The following LINGO2 variants were observed in gnomAD, a reference collection of about 807,000 sequenced individuals.
LINGO2 encodes leucine-rich repeat and immunoglobulin-like domain-containing nogo receptor-interacting protein 2.
LINGO2 carries 14 observed loss-of-function variants against 30.6 expected under a neutral mutation model. The ratio of observed to expected loss-of-function variants is 0.46; its 90% CI spans 0.30 to 0.72. LINGO2 has a LOEUF of 0.72. LINGO2 is among the 30% of genes least tolerant of loss of function. The pLI is 0.07. For synonymous variants in LINGO2, 317 were observed against 288.5 expected (o/e 1.10, Z -1.00); for missense variants, 729 against 751.7 (o/e 0.97, Z 0.35).
chr9:28,782,019 A>T, the LINGO2 span, among the ~76,000 whole-genome samples: 1 of 152,156 alleles, frequency 6.6e-6, no homozygotes, highest in South Asian at 2.1e-4. Flanking sequence ...AGTTTTTTGA[A>T]TGTTGGAATG....
At chr9:29,110,860 T>G in the LINGO2 span, among the ~76,000 whole-genome samples, 3 of 151,676 alleles carry the variant, frequency 2.0e-5, no homozygotes, top group Admixed American at 2.0e-4. Flanking sequence ...CCAGCTAATT[T>G]TTGTATTTTT....
the LINGO2 span, among the ~76,000 whole-genome samples, chr9:29,084,382 A>G: frequency 6.6e-6 from 1 of 152,130 alleles, no homozygotes; most frequent in African/African-American, 2.4e-5. Flanking sequence ...AGGAACACCT[A>G]TTCTAATGAT....
Position 28,122,272 on chromosome 9 carries a change from T to C in LINGO2, c.-86-109867A>G, listed in dbSNP as rs570143560. 1.5e-4 allele frequency among the ~76,000 whole-genome samples: 23 copies of C among 152,316 alleles called. No individual in the cohort carries two copies. The South Asian group carries it at 4.6e-3, about 30-fold the overall frequency. ...GGAAAGATAGACTCAAGCTATATGA[T>C]GTTATTATCAGCAGCACACTTTTTA... On this transcript the variant is annotated intron_variant, in intron 4 of 5. Transcript: ENST00000379992.
At chr9:28,242,023 A>T (rs1418584168) in intron 4 of LINGO2, among the ~76,000 whole-genome samples, 1 of 152,110 alleles carries the variant, frequency 6.6e-6, no homozygotes, top group Admixed American at 6.5e-5. Flanking sequence ...AAAAAAAATC[A>T]ATGAAAAAAT....
At chr9:28,430,323 C>G (rs1439092206) in intron 2 of LINGO2, among the ~76,000 whole-genome samples, 1 of 152,082 alleles carries the variant, frequency 6.6e-6, no homozygotes, top group Non-Finnish European at 1.5e-5. Flanking sequence ...CAATCCCAGT[C>G]CCTACAGCAT....
the LINGO2 span, among the ~76,000 whole-genome samples, chr9:29,209,733 C>G: frequency 6.6e-6 from 1 of 152,052 alleles, no homozygotes; most frequent in African/African-American, 2.4e-5. Context: ...ATCAAAGTAG[C>G]CCCTAAACCA....
intron 4 of LINGO2, among the ~76,000 whole-genome samples, chr9:28,104,542 A>G (rs1420977936): frequency 6.6e-6 from 1 of 151,628 alleles, no homozygotes; most frequent in Non-Finnish European, 1.5e-5. Flanking sequence ...TAAGGACACT[A>G]CCTCTAATGA....
intron 1 of LINGO2, among the ~76,000 whole-genome samples, chr9:28,515,394 G>A (rs1223025626): frequency 6.6e-6 from 1 of 152,002 alleles, no homozygotes; most frequent in Non-Finnish European, 1.5e-5. Flanking sequence ...TTTTAGTAGA[G>A]ACGAGGTTTC....
Position 28,638,144 on chromosome 9 carries a change from A to G in LINGO2, c.-365+32056T>C, listed in dbSNP as rs568298611. Among the ~76,000 whole-genome samples the G allele has an allele frequency of 2.3e-3, 349 of 152,262 alleles. 2 individuals are homozygous for G. Among genetic ancestry groups the G allele is most frequent in the Non-Finnish European group, 4.2e-3 (284 of 68,022 alleles). On this transcript the variant is annotated intron_variant, in intron 1 of 5. Coordinates refer to ENST00000379992, the Ensembl canonical transcript of LINGO2. ...ACGTTTATTGATTTGCATATGTTGA[A>G]CCAGCCTTGCATCCCAGGGATGAAG...
intron 1 of LINGO2, among the ~76,000 whole-genome samples, chr9:28,521,782 T>C (rs866384503): frequency 3.9e-5 from 6 of 152,130 alleles, no homozygotes; most frequent in Non-Finnish European, 7.3e-5. Flanking sequence ...TCATACTGGA[T>C]TGGAATGGGC....
the LINGO2 span, among the ~76,000 whole-genome samples, chr9:29,138,669 G>A: frequency 1.3e-5 from 2 of 152,092 alleles, no homozygotes; most frequent in Non-Finnish European, 2.9e-5. Flanking sequence ...CTCAGGTATG[G>A]TACGTAGCCC....
chr9:28,104,266 GTTTTTTTTTTT>G (rs74180789), intron 4 of LINGO2, among the ~76,000 whole-genome samples: 7 of 97,430 alleles, frequency 7.2e-5, no homozygotes, highest in South Asian at 8.2e-4. Context: ...TTTTTTGTTT[GTTTTTTTTTTT>G]TTTTTTTTTG....
chr9:28,045,542 A>G (rs1268489370), intron 4 of LINGO2, among the ~76,000 whole-genome samples: 1 of 152,234 alleles, frequency 6.6e-6, no homozygotes, highest in Non-Finnish European at 1.5e-5. Flanking sequence ...AAAATGAAGT[A>G]TGAGAGAAAA....
intron 3 of LINGO2, among the ~76,000 whole-genome samples, chr9:28,342,462 C>G (rs1461135666): frequency 6.6e-6 from 1 of 152,128 alleles, no homozygotes; most frequent in Non-Finnish European, 1.5e-5. Flanking sequence ...AGTGACCCAC[C>G]AGCCCACCAG....
intron 4 of LINGO2, among the ~76,000 whole-genome samples, chr9:28,281,602 A>G (rs1000767354): frequency 1.9e-4 from 29 of 152,092 alleles, no homozygotes; most frequent in African/African-American, 7.0e-4. Context: ...ATGCTACAGT[A>G]AAGGGGAAAA....
At chr9:28,754,325 G>C in the LINGO2 span, among the ~76,000 whole-genome samples, 1 of 152,046 alleles carries the variant, frequency 6.6e-6, no homozygotes, top group Admixed American at 6.6e-5. Flanking sequence ...TAGAGATCAA[G>C]ATTGTAACGC....
the LINGO2 span, among the ~76,000 whole-genome samples, chr9:28,979,946 T>C: frequency 6.6e-6 from 1 of 152,164 alleles, no homozygotes; most frequent in Non-Finnish European, 1.5e-5. Context: ...CATTTCTAAA[T>C]GTTTTATGAT....
At chr9:28,315,009 CA>C (rs10715487) in intron 3 of LINGO2, among the ~76,000 whole-genome samples, 85,619 of 120,406 alleles carry the variant, frequency 0.71, 28,308 homozygotes, top group Non-Finnish European at 0.75. Context: ...GACTACGTCT[CA>C]AAAAAAAAAA....
chr9:28,016,615 C>T (rs1443382434), intron 4 of LINGO2, among the ~76,000 whole-genome samples: 2 of 151,126 alleles, frequency 1.3e-5, no homozygotes, highest in Non-Finnish European at 1.5e-5. Flanking sequence ...AATATACAAC[C>T]TCCCAAGACT....
Sources: allele counts gnomAD v4.1 joint callset (sites outside exome capture counted in the v4.1 genomes callset), GRCh38; gene constraint gnomAD v4.1.1; transcripts MANE v1.5; gene names NCBI Gene and HGNC (gene_info 2026-07-23, HGNC 2026-07-21).